ACACA: variants seen among roughly 807,000 people sequenced by gnomAD.
The protein encoded by ACACA is acetyl-CoA carboxylase 1.
ACACA carries 103 observed loss-of-function variants against 296.1 expected under a neutral mutation model. That is an observed-to-expected ratio of 0.35 (90% confidence interval 0.30 to 0.41). The LOEUF is 0.41. Ranked by LOEUF, ACACA falls within the 10% of genes least tolerant of loss-of-function variation. ACACA has a pLI of 1.00. For synonymous variants in ACACA, 953 were observed against 1,038.6 expected, an observed-to-expected ratio of 0.92 and a Z score of 1.58; for missense variants, 1,554 against 2,989.7, an observed-to-expected ratio of 0.52 and a Z score of 11.20.
At chr17:37,260,278 ATATATATATATATATATATTTT>A (rs1412494206) in intron 11 of ACACA, among the ~76,000 whole-genome samples, 2 of 31,202 alleles carry the variant, frequency 6.4e-5, no homozygotes, top group East Asian at 2.0e-3. Context: ...ATATATATAT[ATATATATATATATATATATTTT>A]TTTTTTTTTT....
chr17:37,397,191 C>A (rs1196339550), intron 1 of ACACA, among the ~76,000 whole-genome samples: 1 of 152,134 alleles, frequency 6.6e-6, no homozygotes, highest in Non-Finnish European at 1.5e-5. Flanking sequence ...CCAGCTTCAT[C>A]CATGTCCCTA....
Position 37,085,924 on chromosome 17 carries a change from G to A in ACACA, c.*1392C>T, listed in dbSNP as rs924192715. 2.5e-6 allele frequency: 1 copy of A among 398,336 alleles called. No homozygotes were observed. The highest frequency in any genetic ancestry group is 2.1e-5 in the African/African-American group (1 of 48,618). 24.7% of individuals were successfully genotyped at this position (398,336 alleles called of 1,614,324 possible). On this transcript the variant is annotated 3_prime_UTR_variant, in exon 56 of 56. Coordinates refer to ENST00000616317, the MANE Select transcript of ACACA (RefSeq NM_198834.3). Reference sequence around the variant, plus strand: ...GTTAGCTGCACTAAAGGAACCGGATGCTACACCAGCCCTGATCACCTGCCA... The same window carrying A: ...GTTAGCTGCACTAAAGGAACCGGATACTACACCAGCCCTGATCACCTGCCA...
intron 39 of ACACA, among the ~76,000 whole-genome samples, chr17:37,185,402 CT>C (rs67821579): frequency 4.3e-3 from 207 of 48,430 alleles, no homozygotes; most frequent in Non-Finnish European, 4.9e-3. Flanking sequence ...CTGGCTATTT[CT>C]TTTTTTTTTT....
intron 1 of ACACA, among the ~76,000 whole-genome samples, chr17:37,355,879 A>T (rs1380973749): frequency 6.6e-6 from 1 of 151,168 alleles, no homozygotes; most frequent in Non-Finnish European, 1.5e-5. Context: ...ATAAATAAAT[A>T]AAATGGAGGC....
At chr17:37,356,694 A>AAC (rs2147548263) in intron 1 of ACACA, among the ~76,000 whole-genome samples, 2 of 152,216 alleles carry the variant, frequency 1.3e-5, no homozygotes, top group African/African-American at 4.8e-5. Context: ...ATAATTGTTA[A>AAC]TCTTTAAGAA....
At chr17:37,091,277 C>T (rs2072613019) in intron 54 of ACACA, among the ~76,000 whole-genome samples, 1 of 152,154 alleles carries the variant, frequency 6.6e-6, no homozygotes, top group Non-Finnish European at 1.5e-5. Context: ...AGGATTAGGG[C>T]AACGCATTCC....
At chr17:37,192,031 A>AT (rs1344785800) in intron 37 of ACACA, 59 bp downstream of exon 37, 1 of 1,522,386 alleles carries the variant, frequency 6.6e-7, no homozygotes, top group African/African-American at 1.4e-5. Flanking sequence ...ATTTTGAATC[A>AT]TATCTATTAT....
At chr17:37,261,344 T>G (rs955385713) in intron 11 of ACACA, among the ~76,000 whole-genome samples, 2 of 152,162 alleles carry the variant, frequency 1.3e-5, no homozygotes, top group Non-Finnish European at 2.9e-5. Context: ...AGCCAGTAAA[T>G]AATAGAAGAA....
intron 1 of ACACA, among the ~76,000 whole-genome samples, chr17:37,404,993 C>T (rs1477235241): frequency 6.6e-6 from 1 of 152,098 alleles, no homozygotes; most frequent in Non-Finnish European, 1.5e-5. Flanking sequence ...CCTTGATTTC[C>T]ATCTAATTTC....
intron 1 of ACACA, among the ~76,000 whole-genome samples, chr17:37,382,108 G>A (rs2050319138): frequency 6.6e-6 from 1 of 150,896 alleles, no homozygotes; most frequent in African/African-American, 2.4e-5. Flanking sequence ...TATTCTTCTT[G>A]TATACCTGCA....
intron 45 of ACACA, among the ~76,000 whole-genome samples, chr17:37,138,234 T>C (rs1476553676): frequency 1.3e-5 from 2 of 152,204 alleles, no homozygotes; most frequent in African/African-American, 2.4e-5. Context: ...AGAAGGGACA[T>C]AGCTAGATTT....
At chr17:37,208,900 G>GT (rs2145423177) in intron 30 of ACACA, among the ~76,000 whole-genome samples, 1 of 152,314 alleles carries the variant, frequency 6.6e-6, no homozygotes, top group Non-Finnish European at 1.5e-5. Flanking sequence ...TCTCCTTGAA[G>GT]TACACCACCT....
chr17:37,398,086 T>G (rs1330607109), intron 1 of ACACA, among the ~76,000 whole-genome samples: 1 of 151,442 alleles, frequency 6.6e-6, no homozygotes, highest in Non-Finnish European at 1.5e-5. Flanking sequence ...AAAAATTAGC[T>G]GGGCGTGGTG....
At chr17:37,179,026 T>G (rs1373236545) in intron 41 of ACACA, among the ~76,000 whole-genome samples, 1 of 152,166 alleles carries the variant, frequency 6.6e-6, no homozygotes, top group East Asian at 1.9e-4. Flanking sequence ...TTCCTTTTTA[T>G]TTTTTTAAAA....
chr17:37,090,345 G>A (rs1000337964), intron 54 of ACACA, among the ~76,000 whole-genome samples: 1 of 152,106 alleles, frequency 6.6e-6, no homozygotes, highest in Non-Finnish European at 1.5e-5. Context: ...TCATTTCATC[G>A]ACGTCTCTGT....
At position 37,161,758 on chromosome 17, in the gene ACACA, T is replaced by C. The variant is rs143164739; in HGVS notation, c.5349+23A>G. 3.0e-3 allele frequency: 4,783 copies of C among 1,605,814 alleles called. 103 individuals carry two copies. The South Asian group carries it at 0.033, about 11-fold the overall frequency. On this transcript the variant is annotated intron_variant, in intron 42 of 55. Coordinates refer to ENST00000616317, the MANE Select transcript of ACACA (RefSeq NM_198834.3). ...AGCATAACCATATAGCACCTTGAAG[T>C]AGTATATGCTCTTAGTGTGTACCTT...
chr17:37,217,144 C>T (rs1372812372), intron 29 of ACACA, among the ~76,000 whole-genome samples: 1 of 151,346 alleles, frequency 6.6e-6, no homozygotes, highest in Admixed American at 6.6e-5. Context: ...GCCTGTAATC[C>T]CAGCTAATCG....
chr17:37,221,121 C>T (rs1234340510), intron 29 of ACACA, among the ~76,000 whole-genome samples: 2 of 152,102 alleles, frequency 1.3e-5, no homozygotes, highest in African/African-American at 4.8e-5. Flanking sequence ...GAAACAAAAA[C>T]GTCCATATGT....
At position 37,265,485 on chromosome 17, in the gene ACACA, T is replaced by C. The variant is rs189246880; in HGVS notation, c.1120-1591A>G. The stretch of plus-strand genomic sequence containing the variant: ...GGTTCCTTGGGTGCAACTCCTCAGG[T>C]ACAGTTTCTCTTGATCCAAAGACCT... On this transcript the variant is annotated intron_variant, in intron 10 of 55. Transcript: ENST00000616317. Among the ~76,000 whole-genome samples the C allele has an allele frequency of 1.0e-3, 156 of 152,222 alleles. 1 individual carries two copies. The highest frequency in any genetic ancestry group is 2.8e-4 in the Non-Finnish European group (19 of 68,016).
Sources: allele counts gnomAD v4.1 joint callset (sites outside exome capture counted in the v4.1 genomes callset), GRCh38; gene constraint gnomAD v4.1.1; transcripts MANE v1.5; gene names NCBI Gene and HGNC (gene_info 2026-07-23, HGNC 2026-07-21).